DNAH8: variants seen among roughly 807,000 people sequenced by gnomAD.
The protein encoded by DNAH8 is dynein axonemal heavy chain 8.
In DNAH8, 382 loss-of-function variants were observed where a neutral mutation model predicts 562.1. The ratio of observed to expected loss-of-function variants is 0.68; its 90% confidence interval spans 0.63 to 0.74. The LOEUF (loss-of-function observed/expected upper bound fraction) is 0.74. Ranked by LOEUF, DNAH8 falls within the 30% of genes least tolerant of loss-of-function variation. The pLI, the probability that DNAH8 is intolerant of heterozygous loss-of-function variation, is 0.00. For missense variants in DNAH8, 5,203 were observed against 5,620.4 expected, an observed-to-expected ratio of 0.93 and a Z score of 2.37; for synonymous variants, 1,881 against 1,919.4, an observed-to-expected ratio of 0.98 and a Z score of 0.52.
At chr6:38,936,631 G>C (rs1354902914) in intron 77 of DNAH8, among the ~76,000 whole-genome samples, 1 of 152,106 alleles carries the variant, frequency 6.6e-6, no homozygotes, top group East Asian at 1.9e-4. Flanking sequence ...CACTGCTCCC[G>C]CTAGTGAAGT....
chr6:38,974,544 C>T lies in DNAH8; in HGVS notation c.12834+15C>T, dbSNP rs1318590016. ...CCACTGTGCAGGTAACTGCAGAAAG[C>T]AGTTTTCACATTTAGGAGATGGCCA... On this transcript the variant is annotated intron_variant, in intron 85 of 92. Transcript: ENST00000327475. 1.2e-5 allele frequency: 20 copies of T among 1,608,392 alleles called. No homozygotes were observed. The highest frequency in any genetic ancestry group is 1.7e-5 in the Non-Finnish European group (20 of 1,176,834).
chr6:38,925,159 A>G (rs969711483), intron 73 of DNAH8: 4 of 152,196 alleles, frequency 2.6e-5, no homozygotes, highest in Non-Finnish European at 1.5e-5. Flanking sequence ...GGAATAGATT[A>G]TGTCTTGGAG....
In DNAH8 at chr6:38,770,578, T is replaced by A. The variant is rs777571367; in HGVS notation, c.1764+19T>A. On this transcript the variant is annotated intron_variant, in intron 12 of 92. Transcript: ENST00000327475. ...GGAGAAGGTAAGCATTATGCAGTCA[T>A]CGTACCCCACTCCACACCACACCTT... is the stretch of plus-strand genomic sequence containing the variant. 1.7e-5 allele frequency: 26 copies of A among 1,566,054 alleles called. 1 individual carries two copies. In the South Asian group the frequency reaches 3.2e-4, roughly 19 times the overall value.
intron 16 of DNAH8, 96 bp from the exon 17 acceptor site, chr6:38,782,908 T>C: frequency 8.8e-7 from 1 of 1,141,840 alleles, no homozygotes; most frequent in Non-Finnish European, 1.2e-6. Flanking sequence ...GGTAGCATAA[T>C]TATTTGATAT....
chr6:38,953,483 G>A (rs891480819), intron 82 of DNAH8, among the ~76,000 whole-genome samples: 2 of 152,132 alleles, frequency 1.3e-5, no homozygotes, highest in African/African-American at 2.4e-5. Context: ...GCTTTGCTTG[G>A]CAATTTGGTG....
intron 19 of DNAH8, 113 bp downstream of exon 19, chr6:38,789,996 A>G (rs1028696103): frequency 2.6e-6 from 2 of 763,912 alleles, no homozygotes; most frequent in African/African-American, 1.8e-5. Context: ...CCATCTTTCT[A>G]GTTCAATTTT....
At chr6:38,941,703 T>A (rs1783471145) in intron 79 of DNAH8, among the ~76,000 whole-genome samples, 1 of 152,196 alleles carries the variant, frequency 6.6e-6, no homozygotes, top group African/African-American at 2.4e-5. Context: ...CAAAAATCTT[T>A]AAGCCCTCAC....
At position 38,865,139 on chromosome 6, in the gene DNAH8, A is replaced by G. The variant is rs938097120; in HGVS notation, c.6498+1079A>G. On this transcript the variant is annotated intron_variant, in intron 45 of 92. Coordinates refer to ENST00000327475, the MANE Select transcript of DNAH8 (RefSeq NM_001206927.2). ...ATGTATCACCAGTTTTAAAGCTTTT[A>G]TGTGTTTTCCATAAAGTTAAATCTC... is the stretch of plus-strand genomic sequence containing the variant. Among the ~76,000 whole-genome samples, 11 of 152,294 alleles carry G rather than the reference A, an allele frequency of 7.2e-5. No homozygotes were observed. The South Asian group carries it at 2.1e-3, about 29-fold the overall frequency.
In DNAH8 at chr6:38,790,179, A is replaced by T. The variant is rs116451938; in HGVS notation, c.2665-110A>T. 427 of 757,234 alleles carry T rather than the reference A, an allele frequency of 5.6e-4. 1 individual carries two copies. The African/African-American group carries it at 6.7e-3, about 12-fold the overall frequency. 46.9% of individuals were successfully genotyped at this position (757,234 alleles called of 1,614,324 possible). Reference sequence around the variant, plus strand: ...TCTTTATTAGGTGTAATAGAGGGAAAATACATGTAAGAAAATATAACATAT... The same window carrying T: ...TCTTTATTAGGTGTAATAGAGGGAATATACATGTAAGAAAATATAACATAT... On this transcript the variant is annotated intron_variant, in intron 19 of 92. Coordinates refer to ENST00000327475, the MANE Select transcript of DNAH8 (RefSeq NM_001206927.2).
chr6:38,918,205 C>T, intron 70 of DNAH8, 65 bp downstream of exon 70: 1 of 1,196,258 alleles, frequency 8.4e-7, no homozygotes, highest in Non-Finnish European at 1.2e-6. Flanking sequence ...AGTATTACTG[C>T]TATTAAAAGA....
Position 38,834,621 on chromosome 6 carries a change from A to C in DNAH8, c.4345A>C (p.Asn1449His). ...VPNIPPQEAS[N>H]RLQIFQASFD... is the part of the protein sequence containing the mutation. ...AAATATACCACCCCAAGAAGCTAGC[A>C]ACAGGCTACAGATATTTCAGGTGAA... The change falls in exon 32 of 93, where the codon AAC becomes CAC. Residue 1449 changes from asparagine to histidine, a missense_variant. Physicochemically the swap from Asn to His is moderately conservative, Grantham distance 68. This residue lies in a region of DNAH8 where 2,176 missense variants were observed against 2,365.1 expected (regional missense o/e 0.92). Coordinates refer to ENST00000327475, the MANE Select transcript of DNAH8 (RefSeq NM_001206927.2). The C allele has an allele frequency of 6.2e-7, 1 of 1,608,610 alleles. No homozygotes were observed.
intron 30 of DNAH8, 37 bp downstream of exon 30, chr6:38,828,325 T>C (rs946075825): frequency 1.6e-6 from 2 of 1,273,638 alleles, no homozygotes; most frequent in Non-Finnish European, 2.2e-6. Context: ...TTTTCTTAAG[T>C]CACTATCTCC....
At chr6:39,007,993 A>G (rs889106591) in intron 88 of DNAH8, among the ~76,000 whole-genome samples, 1 of 128,274 alleles carries the variant, frequency 7.8e-6, no homozygotes, top group African/African-American at 2.9e-5. Flanking sequence ...GTAACTGGTC[A>G]ACCCAGCATC....
intron 52 of DNAH8, among the ~76,000 whole-genome samples, chr6:38,874,436 C>T (rs990987636): frequency 3.3e-5 from 5 of 151,070 alleles, no homozygotes; most frequent in Non-Finnish European, 7.4e-5. Context: ...TGCAATCAAT[C>T]ATAACTCACT....
intron 21 of DNAH8, among the ~76,000 whole-genome samples, chr6:38,801,844 G>C (rs947556427): frequency 6.6e-6 from 1 of 152,218 alleles, no homozygotes; most frequent in Non-Finnish European, 1.5e-5. Context: ...AAAACATGGG[G>C]AATATGGGAC....
intron 53 of DNAH8, among the ~76,000 whole-genome samples, chr6:38,880,267 A>G (rs1391540889): frequency 6.6e-6 from 1 of 152,112 alleles, no homozygotes; most frequent in Non-Finnish European, 1.5e-5. Context: ...AAACAAAAAT[A>G]GAATCCAAAA....
At chr6:38,793,991 A>G (rs529548866) in intron 21 of DNAH8, among the ~76,000 whole-genome samples, 1 of 151,962 alleles carries the variant, frequency 6.6e-6, no homozygotes, top group Non-Finnish European at 1.5e-5. Context: ...GTTTCTTTTT[A>G]TTTATTTCTA....
In DNAH8 at chr6:38,929,549, G is replaced by A. The variant is rs201642901; in HGVS notation, c.11157G>A (p.Leu3719=). The part of the protein sequence containing the change: ...SLNHKYFRTH[L]EDSLSLGRPL... ...ACCATAAATATTTTCGCACACACTT[G>A]GAGGACAGCCTTTCCTTGGGCCGAC... Residue 3719 remains leucine (L), a synonymous_variant, in exon 75 of 93, where the codon TTG becomes TTA. Transcript: ENST00000327475. 3.2e-5 allele frequency: 51 copies of A among 1,612,928 alleles called. No homozygotes were observed. In the Middle Eastern group the frequency reaches 1.8e-3, roughly 57 times the overall value.
chr6:38,772,185 C>A (rs994878515), intron 12 of DNAH8, among the ~76,000 whole-genome samples: 1 of 151,846 alleles, frequency 6.6e-6, no homozygotes, highest in Non-Finnish European at 1.5e-5. Context: ...CCCGCCACTA[C>A]GCCCGGCTAA....
Sources: gnomAD v4.1 joint callset for allele counts (sites outside exome capture counted in the v4.1 genomes callset) on GRCh38, gnomAD v4.1.1 for gene constraint, gnomAD v4.1.1 regional missense constraint, MANE v1.5 for transcripts, NCBI Gene and HGNC (gene_info 2026-07-23, HGNC 2026-07-21) for gene names.